The following CDK14 variants were observed in gnomAD, a reference collection of about 807,000 sequenced individuals.
The protein encoded by CDK14 is cyclin-dependent kinase 14.
A neutral mutation model predicts 60.7 loss-of-function variants in CDK14; 34 were observed. The observed-to-expected ratio is 0.56, with a 90% CI of 0.43 to 0.75. The LOEUF is 0.75. Ranked by LOEUF, CDK14 falls within the 30% of genes least tolerant of loss-of-function variation. The pLI is 0.00. For missense variants in CDK14, 482 were observed against 564.1 expected (o/e 0.85, Z 1.47); for synonymous variants, 197 against 203.7 (o/e 0.97, Z 0.28).
At chr7:90,973,360 A>T (rs1466293183) in intron 9 of CDK14, among the ~76,000 whole-genome samples, 1 of 152,096 alleles carries the variant, frequency 6.6e-6, no homozygotes, top group Non-Finnish European at 1.5e-5. Context: ...CTGTGTCATG[A>T]TCCCTCTGGA....
chr7:90,663,758 A>G (rs1244536643), intron 2 of CDK14, among the ~76,000 whole-genome samples: 2 of 152,238 alleles, frequency 1.3e-5, no homozygotes, highest in Non-Finnish European at 2.9e-5. Flanking sequence ...TACTTTGGAA[A>G]ATAGGAATTG....
At chr7:90,649,707 A>G (rs1047807649) in intron 2 of CDK14, among the ~76,000 whole-genome samples, 5 of 151,650 alleles carry the variant, frequency 3.3e-5, no homozygotes, top group Non-Finnish European at 7.4e-5. Context: ...GAGAACATGC[A>G]GTGTTTGGTT....
intron 2 of CDK14, chr7:90,709,924 G>C: frequency 8.5e-7 from 1 of 1,172,204 alleles, no homozygotes; most frequent in Non-Finnish European, 1.1e-6. Flanking sequence ...AGAGTTCCAG[G>C]TGAATCAAGC....
intron 10 of CDK14, among the ~76,000 whole-genome samples, chr7:91,002,140 G>A (rs1381165670): frequency 2.6e-5 from 4 of 152,100 alleles, no homozygotes; most frequent in Admixed American, 6.5e-5. Flanking sequence ...ACATATTAGT[G>A]TAATTGTTTG....
chr7:90,757,537 T>C (rs1360818549), intron 4 of CDK14, among the ~76,000 whole-genome samples: 1 of 152,162 alleles, frequency 6.6e-6, no homozygotes, highest in Non-Finnish European at 1.5e-5. Context: ...TACCTATTGG[T>C]TCTTTTTAAA....
intron 6 of CDK14, among the ~76,000 whole-genome samples, chr7:90,869,244 A>G (rs1791290092): frequency 6.6e-6 from 1 of 152,222 alleles, no homozygotes; most frequent in South Asian, 2.1e-4. Context: ...GTATGCACAC[A>G]TGCAACTTTA....
At chr7:90,932,826 T>C (rs1362788750) in intron 8 of CDK14, among the ~76,000 whole-genome samples, 2 of 152,186 alleles carry the variant, frequency 1.3e-5, no homozygotes, top group Non-Finnish European at 2.9e-5. Flanking sequence ...AAGGATCTAC[T>C]TCTGAGCTCA....
At chr7:91,015,535 T>G (rs1796277602) in intron 10 of CDK14, among the ~76,000 whole-genome samples, 2 of 140,980 alleles carry the variant, frequency 1.4e-5, no homozygotes, top group South Asian at 2.5e-4. Context: ...TTTTTTTTTT[T>G]TTTTTTTTTT....
chr7:91,131,363 T>C (rs1800112617), intron 14 of CDK14, among the ~76,000 whole-genome samples: 1 of 152,088 alleles, frequency 6.6e-6, no homozygotes, highest in Non-Finnish European at 1.5e-5. Flanking sequence ...AAATTATCAC[T>C]GGAGATGTTG....
At chr7:91,106,839 G>T (rs1584068544) in intron 12 of CDK14, among the ~76,000 whole-genome samples, 1 of 152,302 alleles carries the variant, frequency 6.6e-6, no homozygotes, top group Middle Eastern at 3.4e-3. Flanking sequence ...GCTGCAGGTT[G>T]GGCAGTTCTG....
At chr7:90,802,599 C>T (rs1003838910) in intron 5 of CDK14, among the ~76,000 whole-genome samples, 1 of 152,136 alleles carries the variant, frequency 6.6e-6, no homozygotes, top group Non-Finnish European at 1.5e-5. Flanking sequence ...TCATTCTCAT[C>T]TAAGTGTATG....
Position 91,011,237 on chromosome 7 carries a change from C to T in CDK14, c.1041+26996C>T, listed in dbSNP as rs569171627. On this transcript the variant is annotated intron_variant, in intron 10 of 14. Transcript: ENST00000380050. ...TATCCTGGAATAGGTATTGTCCCTA[C>T]CTGAGGCATGATACTAGGTGAGTTA... 3.3e-5 allele frequency among the ~76,000 whole-genome samples: 5 copies of T among 152,076 alleles called. No individual in the cohort carries two copies. In the South Asian group the frequency reaches 8.3e-4, roughly 25 times the overall value.
chr7:91,147,162 T>TCTCTCTCTCTCTCACACA (rs1438870514), intron 14 of CDK14, among the ~76,000 whole-genome samples: 3 of 124,744 alleles, frequency 2.4e-5, no homozygotes, highest in African/African-American at 9.9e-5. Flanking sequence ...TCTCTCTCTC[T>TCTCTCTCTCTCTCACACA]CACACACACA....
chr7:90,951,203 G>C (rs982188805), intron 8 of CDK14, among the ~76,000 whole-genome samples: 1 of 152,110 alleles, frequency 6.6e-6, no homozygotes, highest in Non-Finnish European at 1.5e-5. Flanking sequence ...TTGGAGTCAA[G>C]TGATAAAGGA....
chr7:91,093,265 T>C (rs1026990283), intron 12 of CDK14, among the ~76,000 whole-genome samples: 2 of 152,144 alleles, frequency 1.3e-5, no homozygotes, highest in African/African-American at 4.8e-5. Context: ...TTTTGCACTG[T>C]TGCGTTGATC....
At chr7:90,859,630 A>G (rs925868206) in intron 5 of CDK14, among the ~76,000 whole-genome samples, 2 of 152,152 alleles carry the variant, frequency 1.3e-5, no homozygotes, top group African/African-American at 4.8e-5. Flanking sequence ...GAGAGTTTCC[A>G]CATATTTTCC....
At chr7:91,054,863 TG>T (rs776287147) in intron 11 of CDK14, among the ~76,000 whole-genome samples, 6 of 152,142 alleles carry the variant, frequency 3.9e-5, no homozygotes, top group Admixed American at 3.3e-4. Flanking sequence ...GGCAGGTCCT[TG>T]GAAAGCCAAG....
rs546340326 is a variant in CDK14, at chr7:90,870,321, A to G, written c.639+7052A>G. On this transcript the variant is annotated intron_variant, in intron 6 of 14. Coordinates refer to ENST00000380050, the MANE Select transcript of CDK14 (RefSeq NM_001287135.2). ...ACACATGGACACATAGAGGGGAACA[A>G]CACACACTGGGGTGTGCCAGAGGGT... 3.9e-5 allele frequency among the ~76,000 whole-genome samples: 6 copies of G among 152,282 alleles called. No homozygotes were observed. In the East Asian group the frequency reaches 9.7e-4, roughly 25 times the overall value.
chr7:90,747,335 A>G (rs1160223596), intron 3 of CDK14, among the ~76,000 whole-genome samples: 2 of 152,298 alleles, frequency 1.3e-5, no homozygotes, highest in East Asian at 3.9e-4. Context: ...GATTGAATAA[A>G]AAAAGGGAGG....
Sources: allele counts gnomAD v4.1 joint callset (sites outside exome capture counted in the v4.1 genomes callset), GRCh38; gene constraint gnomAD v4.1.1; transcripts MANE v1.5; gene names NCBI Gene and HGNC (gene_info 2026-07-23, HGNC 2026-07-21).